NRCAM: variants seen among roughly 807,000 people sequenced by gnomAD.
NRCAM encodes NgCAM-related cell adhesion molecule.
A neutral mutation model predicts 156.5 loss-of-function variants in NRCAM; 83 were observed. That is an observed-to-expected ratio of 0.53 (90% CI 0.44 to 0.64). The LOEUF (loss-of-function observed/expected upper bound fraction) is 0.64, where lower values mean the gene tolerates loss of function less well. Among genes scored for constraint, NRCAM ranks in the 30% least tolerant of loss-of-function variants. NRCAM has a pLI of 0.00. For synonymous variants in NRCAM, 538 were observed against 563.9 expected (o/e 0.95, Z 0.65); for missense variants, 1,417 against 1,597.3 (o/e 0.89, Z 1.92).
intron 32 of NRCAM, among the ~76,000 whole-genome samples, chr7:108,158,387 G>A (rs1350723499): frequency 6.6e-6 from 1 of 152,088 alleles, no homozygotes; most frequent in African/African-American, 2.4e-5. Context: ...TGATTTTATT[G>A]AAAATATATG....
chr7:108,190,741 T>G (rs948611246), intron 19 of NRCAM, among the ~76,000 whole-genome samples: 2 of 152,220 alleles, frequency 1.3e-5, no homozygotes, highest in African/African-American at 4.8e-5. Flanking sequence ...TGATTTGTCT[T>G]TTGTTAACAC....
chr7:108,438,871 T>C (rs768397796), intron 1 of NRCAM, among the ~76,000 whole-genome samples: 3 of 152,044 alleles, frequency 2.0e-5, no homozygotes, highest in Non-Finnish European at 4.4e-5. Context: ...AATAATTCCA[T>C]CACAATAGCA....
intron 3 of NRCAM, among the ~76,000 whole-genome samples, chr7:108,310,248 T>C (rs1250355205): frequency 6.6e-6 from 1 of 152,174 alleles, no homozygotes; most frequent in Non-Finnish European, 1.5e-5. Flanking sequence ...TACACGAATG[T>C]GGCCAGCAGA....
Position 108,400,157 on chromosome 7 carries a change from A to G in NRCAM, c.-331-564T>C, listed in dbSNP as rs144735084. The stretch of plus-strand genomic sequence containing the variant: ...TAAAGGGGTTGCTGAACACACCATT[A>G]TAAGAAAGAAAAAGCATAAGGTTAA... On this transcript the variant is annotated intron_variant, in intron 1 of 32. Coordinates refer to ENST00000379028, the MANE Select transcript of NRCAM (RefSeq NM_001037132.4). Among the ~76,000 whole-genome samples, 390 of 152,346 alleles carry G rather than the reference A, an allele frequency of 2.6e-3. 1 individual carries two copies. Among genetic ancestry groups the G allele is most frequent in the Middle Eastern group, 3.4e-3 (1 of 294 alleles).
intron 13 of NRCAM, among the ~76,000 whole-genome samples, chr7:108,200,766 ACACACACACACACACACACT>A (rs1452312294): frequency 6.9e-6 from 1 of 144,548 alleles, no homozygotes; most frequent in African/African-American, 2.5e-5. Flanking sequence ...ACACACACAC[ACACACACACACACACACACT>A]ATGAAATACT....
At chr7:108,388,741 G>A (rs1040180230) in intron 2 of NRCAM, among the ~76,000 whole-genome samples, 1 of 152,160 alleles carries the variant, frequency 6.6e-6, no homozygotes, top group African/African-American at 2.4e-5. Flanking sequence ...TTTGTATAAG[G>A]TGTAAGGAAG....
intron 2 of NRCAM, among the ~76,000 whole-genome samples, chr7:108,382,270 A>G (rs1485531700): frequency 6.6e-6 from 1 of 151,330 alleles, no homozygotes; most frequent in Non-Finnish European, 1.5e-5. Flanking sequence ...AAACAGGTAA[A>G]GGTAGAGTTT....
At chr7:108,154,812 C>T (rs2043984398) in intron 32 of NRCAM, among the ~76,000 whole-genome samples, 1 of 152,056 alleles carries the variant, frequency 6.6e-6, no homozygotes, top group Non-Finnish European at 1.5e-5. Context: ...CTCTTCTCTC[C>T]ACTCCAGGTC....
chr7:108,373,853 G>A (rs939206245), intron 2 of NRCAM, among the ~76,000 whole-genome samples: 1 of 152,162 alleles, frequency 6.6e-6, no homozygotes, highest in Non-Finnish European at 1.5e-5. Flanking sequence ...CATGGGAAGT[G>A]CCATGGCAAC....
At position 108,189,664 on chromosome 7, in the gene NRCAM, G is replaced by T; in HGVS notation, c.2016C>A (p.Asp672Glu). 1.4e-6 allele frequency: 2 copies of T among 1,443,158 alleles called. No homozygotes were observed. The highest frequency in any genetic ancestry group is 1.4e-5 in the African/African-American group (1 of 71,556). 89.4% of individuals were successfully genotyped at this position (1,443,158 alleles called of 1,614,324 possible). A position where few individuals can be genotyped will look rare whatever the true frequency, so the allele number is the denominator to read the frequency against. The change falls in exon 20 of 33, where the codon GAC becomes GAA. Residue 672 changes from aspartate (D) to glutamate (E), a missense_variant. Physicochemically the swap from Asp to Glu is conservative, Grantham distance 45. Transcript: ENST00000379028. ...SVQLSWTPGDDNNSPITKFII... is the reference protein window; with the variant it reads ...SVQLSWTPGDENNSPITKFII... ...ACATACTTGTAATGGGGCTATTGTT[G>T]TCATCGCCTGGGGTCCATGACAGCT...
At chr7:108,380,279 G>T (rs2099695250) in intron 2 of NRCAM, among the ~76,000 whole-genome samples, 1 of 152,096 alleles carries the variant, frequency 6.6e-6, no homozygotes, top group African/African-American at 2.4e-5. Flanking sequence ...TTAAAGTTAT[G>T]TAACAATTTA....
intron 3 of NRCAM, among the ~76,000 whole-genome samples, chr7:108,290,593 A>G (rs543613558): frequency 6.6e-6 from 1 of 152,334 alleles, no homozygotes; most frequent in South Asian, 2.1e-4. Flanking sequence ...GATTACAACT[A>G]TCTAAACATT....
chr7:108,273,509 C>CT (rs1279737201), intron 3 of NRCAM, among the ~76,000 whole-genome samples: 8 of 152,180 alleles, frequency 5.3e-5, no homozygotes, highest in African/African-American at 1.2e-4. Flanking sequence ...TGATGATGAG[C>CT]TTTTTTTCAT....
chr7:108,256,032 C>A, intron 3 of NRCAM, among the ~76,000 whole-genome samples: 1 of 151,638 alleles, frequency 6.6e-6, no homozygotes, highest in Non-Finnish European at 1.5e-5. Context: ...CGGCCAGCCA[C>A]CCCGTCCGGG....
chr7:108,405,151 A>G (rs2099803679), intron 1 of NRCAM, among the ~76,000 whole-genome samples: 1 of 152,236 alleles, frequency 6.6e-6, no homozygotes, highest in Non-Finnish European at 1.5e-5. Flanking sequence ...GGTTGAGTAA[A>G]GCAGAGAGAA....
rs117630356 is a variant in NRCAM at position 108,253,753 on chromosome 7, A to G, written c.-106-13583T>C. 8.9e-3 allele frequency among the ~76,000 whole-genome samples: 1,355 copies of G among 152,336 alleles called. 10 individuals are homozygous for G. The highest frequency in any genetic ancestry group is 0.015 in the Non-Finnish European group (1,007 of 68,036). Reference sequence around the variant, plus strand: ...ATTTAACTCAATCACCTGAAAATCAATTATGTACAGATGGATGGATGCCTG... The same window carrying G: ...ATTTAACTCAATCACCTGAAAATCAGTTATGTACAGATGGATGGATGCCTG... On this transcript the variant is annotated intron_variant, in intron 3 of 32. Transcript: ENST00000379028.
At chr7:108,380,327 T>C (rs981535978) in intron 2 of NRCAM, among the ~76,000 whole-genome samples, 5 of 152,210 alleles carry the variant, frequency 3.3e-5, no homozygotes, top group Non-Finnish European at 5.9e-5. Context: ...ATTTTATCTC[T>C]CTGTGCAGCA....
rs755557181 is a variant in NRCAM at position 108,194,437 on chromosome 7, C to A, written c.1464-9G>T. 5 of 1,555,042 alleles carry A rather than the reference C, an allele frequency of 3.2e-6. No individual in the cohort carries two copies. The highest frequency in any genetic ancestry group is 4.4e-6 in the Non-Finnish European group (5 of 1,144,402). On this transcript the variant is annotated splice_polypyrimidine_tract_variant and intron_variant, in intron 15 of 32. Coordinates refer to ENST00000379028, the MANE Select transcript of NRCAM (RefSeq NM_001037132.4). ...CTTTAGCTCCTTTAAACCTTCATTA[C>A]AGAAATTATCACAATGAGAATAAAA...
intron 1 of NRCAM, among the ~76,000 whole-genome samples, chr7:108,445,681 T>C (rs931249265): frequency 6.6e-6 from 1 of 152,182 alleles, no homozygotes; most frequent in Non-Finnish European, 1.5e-5. Flanking sequence ...AAGTAACTTT[T>C]CCAAAGCCAT....
Sources: gnomAD v4.1 joint callset for allele counts (sites outside exome capture counted in the v4.1 genomes callset) on GRCh38, gnomAD v4.1.1 for gene constraint, MANE v1.5 for transcripts, NCBI Gene and HGNC (gene_info 2026-07-23, HGNC 2026-07-21) for gene names.